The following ADAMTSL3 variants were observed in gnomAD, a reference collection of about 807,000 sequenced individuals.
ADAMTSL3 encodes ADAMTS-like protein 3.
Under a neutral mutation model 201.7 loss-of-function variants are expected in ADAMTSL3, and 128 were observed. The observed-to-expected ratio is 0.63, with a 90% CI of 0.55 to 0.73. The LOEUF (loss-of-function observed/expected upper bound fraction) is 0.73. Ranked by LOEUF, ADAMTSL3 falls within the 30% of genes least tolerant of loss-of-function variation. ADAMTSL3 has a pLI of 0.00. For missense variants in ADAMTSL3, 1,990 were observed against 2,119.6 expected, an observed-to-expected ratio of 0.94 and a Z score of 1.20; for synonymous variants, 738 against 748.4, an observed-to-expected ratio of 0.99 and a Z score of 0.23.
chr15:84,023,303 T>C (rs760178909), intron 26 of ADAMTSL3, among the ~76,000 whole-genome samples: 1 of 152,144 alleles, frequency 6.6e-6, no homozygotes, highest in Non-Finnish European at 1.5e-5. Context: ...TACAAACCAA[T>C]GAAGAAGATA....
chr15:83,782,681 A>G (rs2063191357), intron 4 of ADAMTSL3, among the ~76,000 whole-genome samples: 1 of 152,166 alleles, frequency 6.6e-6, no homozygotes, highest in African/African-American at 2.4e-5. Context: ...ATGAGAACAC[A>G]TGGACACATA....
intron 10 of ADAMTSL3, among the ~76,000 whole-genome samples, chr15:83,888,256 A>G (rs1253083574): frequency 6.6e-6 from 1 of 152,228 alleles, no homozygotes; most frequent in Non-Finnish European, 1.5e-5. Flanking sequence ...CAAGATATAG[A>G]AAGGCAATCT....
At chr15:83,892,091 C>T (rs145525948) in intron 12 of ADAMTSL3, among the ~76,000 whole-genome samples, 2 of 151,982 alleles carry the variant, frequency 1.3e-5, no homozygotes, top group South Asian at 4.1e-4. Context: ...TGGCAGGTGC[C>T]TGTAATCCCA....
intron 4 of ADAMTSL3, among the ~76,000 whole-genome samples, chr15:83,802,899 G>A (rs2063546761): frequency 6.6e-6 from 1 of 152,116 alleles, no homozygotes; most frequent in African/African-American, 2.4e-5. Flanking sequence ...GGTAATATCG[G>A]CATAGCAATG....
At chr15:83,791,213 C>T (rs572337881) in intron 4 of ADAMTSL3, among the ~76,000 whole-genome samples, 1 of 152,216 alleles carries the variant, frequency 6.6e-6, no homozygotes, top group South Asian at 2.1e-4. Context: ...TCACATTCTT[C>T]ACAGAAATAG....
At chr15:83,960,359 C>T (rs1015158944) in intron 19 of ADAMTSL3, among the ~76,000 whole-genome samples, 1 of 152,084 alleles carries the variant, frequency 6.6e-6, no homozygotes, top group Non-Finnish European at 1.5e-5. Context: ...AAAATCTGGA[C>T]CAGAATGAGG....
At chr15:83,684,401 A>G (rs1452577556) in intron 2 of ADAMTSL3, among the ~76,000 whole-genome samples, 1 of 152,114 alleles carries the variant, frequency 6.6e-6, no homozygotes, top group African/African-American at 2.4e-5. Context: ...ATACATTGTT[A>G]TTTTGTACTT....
At chr15:83,791,803 T>A (rs1176564228) in intron 4 of ADAMTSL3, among the ~76,000 whole-genome samples, 1 of 150,766 alleles carries the variant, frequency 6.6e-6, no homozygotes. Context: ...GAGCTTACTA[T>A]GAGCTGAGAT....
chr15:83,790,027 A>G (rs2063320764), intron 4 of ADAMTSL3, among the ~76,000 whole-genome samples: 1 of 151,980 alleles, frequency 6.6e-6, no homozygotes, highest in South Asian at 2.1e-4. Flanking sequence ...ATCAAAAGAT[A>G]TCCTTAATAT....
intron 17 of ADAMTSL3, among the ~76,000 whole-genome samples, chr15:83,934,134 GA>G (rs904535481): frequency 6.6e-6 from 1 of 152,170 alleles, no homozygotes; most frequent in Non-Finnish European, 1.5e-5. Context: ...CTGTGTTCCT[GA>G]AAAAGCTGCA....
chr15:84,016,187 C>G (rs2068084224), intron 24 of ADAMTSL3, among the ~76,000 whole-genome samples, 196 bp from the exon 25 acceptor site: 1 of 152,172 alleles, frequency 6.6e-6, no homozygotes, highest in African/African-American at 2.4e-5. Flanking sequence ...CAGTGAGTAA[C>G]TCTAAACTCT....
At chr15:83,833,696 A>T (rs1220911054) in intron 6 of ADAMTSL3, among the ~76,000 whole-genome samples, 1 of 152,216 alleles carries the variant, frequency 6.6e-6, no homozygotes, top group Non-Finnish European at 1.5e-5. Flanking sequence ...TCGGTAAAGA[A>T]CAGTCAGTTC....
At chr15:84,004,554 A>T (rs2067857101) in intron 23 of ADAMTSL3, among the ~76,000 whole-genome samples, 1 of 152,120 alleles carries the variant, frequency 6.6e-6, no homozygotes, top group Non-Finnish European at 1.5e-5. Flanking sequence ...AACTAGAATT[A>T]ACCAGGAGTG....
intron 3 of ADAMTSL3, among the ~76,000 whole-genome samples, chr15:83,725,908 TA>T (rs1460286379): frequency 1.3e-5 from 2 of 152,142 alleles, no homozygotes; most frequent in African/African-American, 4.8e-5. Context: ...ATTTTAGTAT[TA>T]TTTTTTCTCT....
At chr15:83,879,933 C>T (rs2065240847) in intron 9 of ADAMTSL3, among the ~76,000 whole-genome samples, 1 of 152,106 alleles carries the variant, frequency 6.6e-6, no homozygotes, top group Admixed American at 6.6e-5. Context: ...TATTATAAAA[C>T]GTTTCTTTCA....
intron 2 of ADAMTSL3, among the ~76,000 whole-genome samples, chr15:83,702,115 G>A (rs925680153): frequency 1.3e-5 from 2 of 152,176 alleles, no homozygotes; most frequent in African/African-American, 4.8e-5. Context: ...AAAGAGACTG[G>A]TGGCATTTTG....
At chr15:83,837,303 A>G (rs2064293842) in intron 6 of ADAMTSL3, among the ~76,000 whole-genome samples, 1 of 152,088 alleles carries the variant, frequency 6.6e-6, no homozygotes, top group Non-Finnish European at 1.5e-5. Flanking sequence ...ATATAGGGAT[A>G]TAGATATTTA....
chr15:83,812,336 A>T (rs1270365514), intron 5 of ADAMTSL3, among the ~76,000 whole-genome samples: 2 of 152,112 alleles, frequency 1.3e-5, no homozygotes, highest in African/African-American at 4.8e-5. Flanking sequence ...GACTGGCCAC[A>T]CTAGTTCAGT....
At chr15:84,013,540 T>C (rs1475790973) in intron 23 of ADAMTSL3, among the ~76,000 whole-genome samples, 2 of 152,138 alleles carry the variant, frequency 1.3e-5, no homozygotes, top group African/African-American at 4.8e-5. Flanking sequence ...AGTGGGAGGC[T>C]GAGGCGGGGG....
Sources: allele counts gnomAD v4.1 joint callset (sites outside exome capture counted in the v4.1 genomes callset), GRCh38; gene constraint gnomAD v4.1.1; transcripts MANE v1.5; gene names NCBI Gene and HGNC (gene_info 2026-07-23, HGNC 2026-07-21).